KALRN: variants seen among roughly 807,000 people sequenced by gnomAD.
KALRN encodes kalirin.
Under a neutral mutation model 353.7 loss-of-function variants are expected in KALRN, and 70 were observed. The ratio of observed to expected loss-of-function variants is 0.20; its 90% CI spans 0.16 to 0.24. KALRN has a LOEUF of 0.24. Ranked by LOEUF, KALRN falls within the 10% of genes least tolerant of loss-of-function variation. The pLI, the probability that KALRN is intolerant of heterozygous loss-of-function variation, is 1.00. For synonymous variants in KALRN, 1,391 were observed against 1,434.8 expected (o/e 0.97, Z 0.69); for missense variants, 2,791 against 3,756.7 (o/e 0.74, Z 6.72).
chr3:124,500,574 C>A (rs1351731246), intron 33 of KALRN, among the ~76,000 whole-genome samples: 1 of 152,212 alleles, frequency 6.6e-6, no homozygotes, highest in East Asian at 1.9e-4. Context: ...GTCTAATATT[C>A]TTAATCCTAC....
intron 55 of KALRN, among the ~76,000 whole-genome samples, 157 bp from the exon 56 acceptor site, chr3:124,699,712 A>G (rs991802118): frequency 6.6e-6 from 1 of 152,176 alleles, no homozygotes; most frequent in Non-Finnish European, 1.5e-5. Context: ...AATCCAAACT[A>G]CCATAGTTAG....
chr3:124,168,236 A>T (rs1050747816), intron 1 of KALRN, among the ~76,000 whole-genome samples: 8 of 152,194 alleles, frequency 5.3e-5, no homozygotes, highest in Non-Finnish European at 7.3e-5. Context: ...AAAGTTGAAG[A>T]GTTATGCGTA....
chr3:124,711,717 T>G (rs2062896190), intron 57 of KALRN, among the ~76,000 whole-genome samples: 1 of 152,200 alleles, frequency 6.6e-6, no homozygotes, highest in South Asian at 2.1e-4. Flanking sequence ...AGTGTTCTTG[T>G]CGATAGGGAT....
chr3:124,200,037 G>T (rs1318198775), intron 1 of KALRN, among the ~76,000 whole-genome samples: 1 of 152,182 alleles, frequency 6.6e-6, no homozygotes, highest in East Asian at 1.9e-4. Flanking sequence ...TCTAAATTTT[G>T]AAATGGGAAA....
At chr3:124,271,412 G>T (rs901772960) in intron 5 of KALRN, among the ~76,000 whole-genome samples, 2 of 152,210 alleles carry the variant, frequency 1.3e-5, no homozygotes, top group Admixed American at 6.5e-5. Flanking sequence ...GAAGTTCCCA[G>T]GTCAAGGAGG....
intron 34 of KALRN, among the ~76,000 whole-genome samples, chr3:124,582,712 C>G (rs1041734555): frequency 1.3e-5 from 2 of 149,804 alleles, no homozygotes; most frequent in Non-Finnish European, 2.9e-5. Flanking sequence ...TTAGGTCATG[C>G]TTCGATCATT....
At chr3:124,100,402 A>G (rs753561037) in intron 1 of KALRN, 2 of 152,180 alleles carry the variant, frequency 1.3e-5, no homozygotes, top group South Asian at 2.1e-4. Context: ...TGCCAAGAAC[A>G]TATATTGGGA....
intron 6 of KALRN, among the ~76,000 whole-genome samples, chr3:124,301,874 A>G (rs2077297334): frequency 6.6e-6 from 1 of 152,204 alleles, no homozygotes; most frequent in South Asian, 2.1e-4. Context: ...CATTCATGTA[A>G]ATGTACATAT....
At chr3:124,082,538 G>A (rs1353539399) in intron 1 of KALRN, among the ~76,000 whole-genome samples, 1 of 152,180 alleles carries the variant, frequency 6.6e-6, no homozygotes, top group Non-Finnish European at 1.5e-5. Flanking sequence ...ACATAGTGAG[G>A]AATGCAGAAG....
chr3:124,114,888 G>T (rs548524953), intron 1 of KALRN, among the ~76,000 whole-genome samples: 236 of 152,314 alleles, frequency 1.5e-3, no homozygotes, highest in African/African-American at 5.5e-3. Context: ...CGTCAGTGAG[G>T]TAGTATTCCC....
At chr3:124,165,600 G>A (rs1363162000) in intron 1 of KALRN, among the ~76,000 whole-genome samples, 1 of 152,158 alleles carries the variant, frequency 6.6e-6, no homozygotes, top group Non-Finnish European at 1.5e-5. Flanking sequence ...GTTGTAGCCT[G>A]GAATGCCATG....
intron 51 of KALRN, among the ~76,000 whole-genome samples, chr3:124,688,028 A>G (rs2061640345): frequency 6.6e-6 from 1 of 152,086 alleles, no homozygotes; most frequent in Non-Finnish European, 1.5e-5. Flanking sequence ...TGAGCAGAGG[A>G]GGCTGTGTGT....
chr3:124,199,372 A>G (rs550621131), intron 1 of KALRN, among the ~76,000 whole-genome samples: 7 of 152,272 alleles, frequency 4.6e-5, no homozygotes, highest in African/African-American at 1.4e-4. Context: ...CTTGCATCCT[A>G]AAGAGTTTCT....
intron 1 of KALRN, among the ~76,000 whole-genome samples, chr3:124,110,467 G>GTGTGCA (rs1380649365): frequency 3.7e-5 from 2 of 54,166 alleles, no homozygotes; most frequent in South Asian, 9.0e-4. Context: ...ATACACACGC[G>GTGTGCA]CGCACACACA....
At chr3:124,086,127 C>CT (rs553903557) in intron 1 of KALRN, among the ~76,000 whole-genome samples, 70 of 150,586 alleles carry the variant, frequency 4.6e-4, no homozygotes, top group Non-Finnish European at 5.3e-4. Flanking sequence ...TTTTTCTTTC[C>CT]TTTTTTTTTC....
chr3:124,411,633 A>G (rs1355053065), intron 13 of KALRN, among the ~76,000 whole-genome samples: 1 of 151,692 alleles, frequency 6.6e-6, no homozygotes, highest in Non-Finnish European at 1.5e-5. Context: ...CTTTGGAGAG[A>G]CAGGTTCTCA....
intron 1 of KALRN, among the ~76,000 whole-genome samples, chr3:124,182,321 A>T (rs139049377): frequency 6.6e-6 from 1 of 152,324 alleles, no homozygotes; most frequent in Non-Finnish European, 1.5e-5. Flanking sequence ...GCTGCAATCA[A>T]GATATCGTCC....
chr3:124,376,489 C>G (rs2086606275), intron 10 of KALRN, among the ~76,000 whole-genome samples: 1 of 152,150 alleles, frequency 6.6e-6, no homozygotes, highest in South Asian at 2.1e-4. Flanking sequence ...TCCCAGAATT[C>G]ATCCCCTTCC....
intron 1 of KALRN, among the ~76,000 whole-genome samples, chr3:124,222,021 G>A (rs1440344958): frequency 6.6e-6 from 1 of 152,178 alleles, no homozygotes; most frequent in Non-Finnish European, 1.5e-5. Context: ...CTGTGAGTGG[G>A]GGTGCAGGTG....
Sources: allele counts gnomAD v4.1 joint callset (sites outside exome capture counted in the v4.1 genomes callset), GRCh38; gene constraint gnomAD v4.1.1; transcripts MANE v1.5; gene names NCBI Gene and HGNC (gene_info 2026-07-23, HGNC 2026-07-21).